Variants in CD1B observed in about 807,000 individuals in gnomAD.
The protein encoded by CD1B is T-cell surface glycoprotein CD1b.
In CD1B, 43 loss-of-function variants were observed where a neutral mutation model predicts 39.8. That is an observed-to-expected ratio of 1.08 (90% CI 0.85 to 1.39). The LOEUF (loss-of-function observed/expected upper bound fraction) is 1.39. CD1B is among the 40% of genes most tolerant of loss of function. The probability of loss-of-function intolerance (pLI) is 0.00; values close to 1 mark genes in which losing one functional copy is unlikely to be tolerated. For missense variants in CD1B, 495 were observed against 403.8 expected (o/e 1.23, Z -1.94); for synonymous variants, 192 against 152.5 (o/e 1.26, Z -1.91).
chr1:158,328,686 C>T (rs1264524432), intron 5 of CD1B, among the ~76,000 whole-genome samples: 2 of 152,246 alleles, frequency 1.3e-5, no homozygotes, highest in East Asian at 1.9e-4. Context: ...AATGTGAACA[C>T]ACTTAACACC....
chr1:158,304,715 G>A, the CD1B span, among the ~76,000 whole-genome samples: 4 of 152,138 alleles, frequency 2.6e-5, no homozygotes, highest in Non-Finnish European at 4.4e-5. Context: ...CACCTCACAC[G>A]GCAGGGTACT....
At chr1:158,315,729 GC>G in the CD1B span, among the ~76,000 whole-genome samples, 2 of 151,904 alleles carry the variant, frequency 1.3e-5, no homozygotes, top group Admixed American at 1.3e-4. Context: ...TGAAGTCCTT[GC>G]CCATGCCTAT....
chr1:158,299,954 TC>T, the CD1B span, among the ~76,000 whole-genome samples: 1 of 152,224 alleles, frequency 6.6e-6, no homozygotes, highest in African/African-American at 2.4e-5. Flanking sequence ...GATTCATTGA[TC>T]TTTTGAAGAT....
chr1:158,291,989 T>C, the CD1B span: 2 of 1,303,280 alleles, frequency 1.5e-6, no homozygotes, highest in Non-Finnish European at 2.1e-6. Context: ...CATGTAAAAC[T>C]TTCTTGCTTC....
the CD1B span, among the ~76,000 whole-genome samples, chr1:158,317,587 T>A: frequency 3.9e-5 from 6 of 152,210 alleles, no homozygotes; most frequent in African/African-American, 7.2e-5. Context: ...GTGGTCTATC[T>A]ATTTTGTTGA....
the CD1B span, among the ~76,000 whole-genome samples, chr1:158,296,255 T>G: frequency 6.6e-6 from 1 of 150,572 alleles, no homozygotes; most frequent in Admixed American, 6.6e-5. Flanking sequence ...AGGTGCTCAG[T>G]CTCAAGGGGC....
chr1:158,303,438 A>G, the CD1B span, among the ~76,000 whole-genome samples: 1 of 152,256 alleles, frequency 6.6e-6, no homozygotes, highest in East Asian at 1.9e-4. Context: ...CAGAGCAATC[A>G]GGGAAGAGAA....
At chr1:158,308,691 T>A in the CD1B span, among the ~76,000 whole-genome samples, 2 of 152,156 alleles carry the variant, frequency 1.3e-5, no homozygotes, top group African/African-American at 4.8e-5. Flanking sequence ...TCTATAACCA[T>A]CTGATCTTTG....
At position 158,328,090 on chromosome 1, in the gene CD1B, T is replaced by C; in HGVS notation, c.*146A>G. The C allele has an allele frequency of 1.5e-6, 1 of 673,278 alleles. No individual in the cohort carries two copies. Among genetic ancestry groups the C allele is most frequent in the Non-Finnish European group, 2.5e-6 (1 of 392,316 alleles). The allele number at this position is 673,278 out of a possible 1,614,324, so 41.7% of individuals were successfully genotyped here. A position where few individuals can be genotyped will look rare whatever the true frequency, so the allele number is the denominator to read the frequency against. On this transcript the variant is annotated 3_prime_UTR_variant, in exon 6 of 6. Coordinates refer to ENST00000368168, the MANE Select transcript of CD1B (RefSeq NM_001764.3). ...TTTTAAGTACTTTTTTGCTGATGTTTAAATAATAATTTATTTTAAAATACA... is the reference window on the plus strand; with the variant it reads ...TTTTAAGTACTTTTTTGCTGATGTTCAAATAATAATTTATTTTAAAATACA...
the CD1B span, chr1:158,290,111 G>A: frequency 6.2e-7 from 1 of 1,613,980 alleles, no homozygotes; most frequent in East Asian, 2.2e-5. Context: ...CTCCCAGGTG[G>A]TGACAATGCA....
chr1:158,314,041 G>A, the CD1B span, among the ~76,000 whole-genome samples: 1 of 151,286 alleles, frequency 6.6e-6, no homozygotes, highest in Non-Finnish European at 1.5e-5. Flanking sequence ...TTATTTTTTT[G>A]ACTCCTCTTT....
At chr1:158,306,365 A>G in the CD1B span, among the ~76,000 whole-genome samples, 3 of 152,350 alleles carry the variant, frequency 2.0e-5, no homozygotes, top group South Asian at 6.2e-4. Flanking sequence ...GGATCAATTC[A>G]GCAAGAAGAG....
chr1:158,291,326 A>G, the CD1B span: 2 of 1,613,948 alleles, frequency 1.2e-6, no homozygotes, highest in East Asian at 4.5e-5. Context: ...TCAGACCTAG[A>G]GTTGTTATTT....
chr1:158,306,317 T>G, the CD1B span, among the ~76,000 whole-genome samples: 1 of 151,732 alleles, frequency 6.6e-6, no homozygotes, highest in African/African-American at 2.4e-5. Flanking sequence ...CCAACAAAGA[T>G]CAAAAGAGAC....
At chr1:158,328,595 G>A (rs1652452289) in intron 5 of CD1B, among the ~76,000 whole-genome samples, 1 of 152,154 alleles carries the variant, frequency 6.6e-6, no homozygotes, top group African/African-American at 2.4e-5. Context: ...TGGAGAAGAG[G>A]GGAAATGGGA....
the CD1B span, chr1:158,292,982 G>T: frequency 1.4e-4 from 159 of 1,101,774 alleles, no homozygotes; most frequent in Non-Finnish European, 1.9e-4. Context: ...AGGAAGAAAT[G>T]TATAGGGTAA....
At chr1:158,288,141 G>T in the CD1B span, among the ~76,000 whole-genome samples, 1 of 152,304 alleles carries the variant, frequency 6.6e-6, no homozygotes, top group African/African-American at 2.4e-5. Context: ...AGCACAAGAT[G>T]AGCAAAGATA....
At chr1:158,319,898 C>T in the CD1B span, among the ~76,000 whole-genome samples, 3 of 152,048 alleles carry the variant, frequency 2.0e-5, no homozygotes, top group African/African-American at 7.2e-5. Flanking sequence ...CCCTCAGCTG[C>T]AGGTCTGTTG....
chr1:158,331,337 C>T (rs1181282040), intron 1 of CD1B, 26 bp downstream of exon 1: 2 of 1,607,792 alleles, frequency 1.2e-6, no homozygotes. Context: ...TGCACCAGTG[C>T]TGGGAGCTGC....
Sources: gnomAD v4.1 joint callset for allele counts (sites outside exome capture counted in the v4.1 genomes callset) on GRCh38, gnomAD v4.1.1 for gene constraint, MANE v1.5 for transcripts, NCBI Gene and HGNC (gene_info 2026-07-23, HGNC 2026-07-21) for gene names.